GPR162: variants seen among roughly 807,000 people sequenced by gnomAD.
The protein encoded by GPR162 is probable G protein-coupled receptor 162.
In GPR162, 26 loss-of-function variants were observed where a neutral mutation model predicts 44.9. That is an observed-to-expected ratio of 0.58 (90% CI 0.42 to 0.80). GPR162 has a LOEUF of 0.80. GPR162 is among the 30% of genes least tolerant of loss of function. GPR162 has a pLI of 0.00. For synonymous variants in GPR162, 363 were observed against 335.2 expected (o/e 1.08, Z -0.91); for missense variants, 704 against 802.3 (o/e 0.88, Z 1.48).
At chr12:6,826,066 T>C in intron 3 of GPR162, 130 bp from the exon 4 acceptor site, 2 of 699,928 alleles carry the variant, frequency 2.9e-6, no homozygotes, top group Non-Finnish European at 4.9e-6. Context: ...TGCTAGCCAC[T>C]CTCACTGTCC....
rs1943303299 is a variant in GPR162, at chr12:6,822,917, A to G, written c.-431-551A>G. Among the ~76,000 whole-genome samples the G allele has an allele frequency of 6.6e-6, 1 of 152,130 alleles. No homozygotes were observed. The highest frequency in any genetic ancestry group is 2.4e-5 in the African/African-American group (1 of 41,408). On this transcript the variant is annotated intron_variant, in intron 1 of 4. Coordinates refer to ENST00000311268, the MANE Select transcript of GPR162 (RefSeq NM_019858.2). This position sits in a 1 kb window ranked among gnomAD's most constrained non-coding sequence, Gnocchi z 4.2. ...CGGTTTCCCCGCCTTCAGGTTCCCTAGCACCCCCTTCGGTCCCAGACTCCT... is the reference window on the plus strand; with the variant it reads ...CGGTTTCCCCGCCTTCAGGTTCCCTGGCACCCCCTTCGGTCCCAGACTCCT...
chr12:6,824,099 C>G lies in GPR162; in HGVS notation c.201C>G (p.Leu67=), dbSNP rs1387400082. The stretch of plus-strand genomic sequence containing the variant: ...ACATACTCATGGCAGCTGTGCCCCT[C>G]ACCACCTTTGCCGTGGTGCAGCTGC... ...GTHILMAAVP[L]TTFAVVQLRR... Residue 67 remains leucine (L), a synonymous_variant, in exon 2 of 5, where the codon CTC becomes CTG. Coordinates refer to ENST00000311268, the MANE Select transcript of GPR162 (RefSeq NM_019858.2). The G allele has an allele frequency of 6.2e-7, 1 of 1,613,850 alleles. No individual in the cohort carries two copies. Among genetic ancestry groups the G allele is most frequent in the African/African-American group, 1.3e-5 (1 of 74,932 alleles).
chr12:6,825,802 C>T (rs1943346583), intron 3 of GPR162, 129 bp downstream of exon 3: 1 of 765,124 alleles, frequency 1.3e-6, no homozygotes, highest in Non-Finnish European at 2.1e-6. Context: ...CCACCCTGGG[C>T]TCCCCTTTCC....
chr12:6,823,939 G>T lies in GPR162; in HGVS notation c.41G>T (p.Arg14Leu). 1 of 1,573,826 alleles carries T rather than the reference G, an allele frequency of 6.4e-7. No homozygotes were observed. The highest frequency in any genetic ancestry group is 8.6e-7 in the Non-Finnish European group (1 of 1,159,880). The change falls in exon 2 of 5, where the codon CGC (arginine) becomes CTC (leucine). Residue 14 changes from arginine (R) to leucine (L), a missense_variant. By Grantham distance (102) the Arg-to-Leu change is moderately radical (BLOSUM62 -2). Transcript: ENST00000311268. ...GGAGAEEASL[R>L]SNALSWLACG... ...GCGGGGGCAGAGGAGGCCTCCCTGCGCTCCAACGCATTGTCCTGGCTGGCC... is the reference window on the plus strand; with the variant it reads ...GCGGGGGCAGAGGAGGCCTCCCTGCTCTCCAACGCATTGTCCTGGCTGGCC...
At position 6,823,957 on chromosome 12, in the gene GPR162, G is replaced by T; in HGVS notation, c.59G>T (p.Trp20Leu). 1 of 1,595,416 alleles carries T rather than the reference G, an allele frequency of 6.3e-7. No individual in the cohort carries two copies. The highest frequency in any genetic ancestry group is 8.5e-7 in the Non-Finnish European group (1 of 1,173,772). ...TCCCTGCGCTCCAACGCATTGTCCT[G>T]GCTGGCCTGTGGGCTCCTGGCGCTG... Reference protein sequence around the residue: ...EASLRSNALSWLACGLLALLA... With the variant: ...EASLRSNALSLLACGLLALLA... The change falls in exon 2 of 5, where the codon TGG becomes TTG. Residue 20 changes from tryptophan to leucine, a missense_variant. By Grantham distance (61) the Trp-to-Leu change is moderately conservative. Transcript: ENST00000311268.
At position 6,826,822 on chromosome 12, in the gene GPR162, TGGAGGACGA is replaced by T. The variant is rs58069762; in HGVS notation, c.1398_1406del (p.Asp467_Glu469del). The T allele has an allele frequency of 1.5e-3, 2,413 of 1,610,308 alleles. 1 individual carries two copies. The highest frequency in any genetic ancestry group is 3.7e-3 in the African/African-American group (277 of 74,946). On this transcript the variant is annotated inframe_deletion, in exon 5 of 5. Transcript: ENST00000311268. ...GAGTACCTGGGACAAAGACACAGGT[TGGAGGACGA>T]GGAGGACGAGGAAGAGGCTGAAGGT...
chr12:6,824,577 G>A lies in GPR162; in HGVS notation c.679G>A (p.Ala227Thr), dbSNP rs782086655. 3 of 1,606,122 alleles carry A rather than the reference G, an allele frequency of 1.9e-6. No homozygotes were observed. Among genetic ancestry groups the A allele is most frequent in the Non-Finnish European group, 2.6e-6 (3 of 1,175,592 alleles). ...AGTGGGGGGTGGTGGGGGGACCAAA[G>A]CGGGTGGGCCAGGGGCCTTGGGTAC... ...RRVGGGGGTK[A>T]GGPGALGTRP... The change falls in exon 2 of 5, where the codon GCG (alanine) becomes ACG (threonine). Residue 227 changes from alanine (A) to threonine (T), a missense_variant. Physicochemically the swap from Ala to Thr is moderately conservative, Grantham distance 58 (BLOSUM62 0). Transcript: ENST00000311268.
rs1555119563 is a variant in GPR162, at chr12:6,823,920, G to A, written c.22G>A (p.Ala8Thr). The stretch of plus-strand genomic sequence containing the variant: ...TAGGATGGCTCGGGGCGGGGCGGGG[G>A]CAGAGGAGGCCTCCCTGCGCTCCAA... Reference protein sequence around the residue: MARGGAGAEEASLRSNAL... With the variant: MARGGAGTEEASLRSNAL... Residue 8 changes from alanine to threonine, a missense_variant, in exon 2 of 5, where the codon GCA becomes ACA. Physicochemically the swap from Ala to Thr is moderately conservative, Grantham distance 58. This residue lies in a region of GPR162 where 30 missense variants were observed against 31.8 expected (regional missense o/e 0.94). Coordinates refer to ENST00000311268, the MANE Select transcript of GPR162 (RefSeq NM_019858.2). 3.2e-6 allele frequency: 5 copies of A among 1,560,650 alleles called. No individual in the cohort carries two copies. The highest frequency in any genetic ancestry group is 1.7e-4 in the Middle Eastern group (1 of 5,894).
At chr12:6,824,911 C>G (rs1565507741) in intron 2 of GPR162, 146 bp downstream of exon 2, 2 of 741,478 alleles carry the variant, frequency 2.7e-6, no homozygotes, top group Admixed American at 4.0e-5. Flanking sequence ...GTCCATCCCC[C>G]ACTCCATTTG....
intron 4 of GPR162, 54 bp downstream of exon 4, chr12:6,826,407 C>G: frequency 1.3e-6 from 2 of 1,521,176 alleles, no homozygotes; most frequent in Non-Finnish European, 1.8e-6. Flanking sequence ...TCACTTTTCT[C>G]CAGTGTCTGT....
In GPR162 at chr12:6,824,578, C is replaced by T. The variant is rs377672427; in HGVS notation, c.680C>T (p.Ala227Val). Residue 227 changes from alanine (A) to valine (V), a missense_variant, in exon 2 of 5, where the codon GCG becomes GTG. Ala to Val is a moderately conservative substitution (Grantham distance 64). This residue lies in a region of GPR162 where 56 missense variants were observed against 47.2 expected (regional missense o/e 1.19). Coordinates refer to ENST00000311268, the MANE Select transcript of GPR162 (RefSeq NM_019858.2). ...GTGGGGGGTGGTGGGGGGACCAAAGCGGGTGGGCCAGGGGCCTTGGGTACC... is the reference window on the plus strand; with the variant it reads ...GTGGGGGGTGGTGGGGGGACCAAAGTGGGTGGGCCAGGGGCCTTGGGTACC... ...RRVGGGGGTK[A>V]GGPGALGTRP... The T allele has an allele frequency of 5.7e-5, 91 of 1,603,648 alleles. No individual in the cohort carries two copies. Among genetic ancestry groups the T allele is most frequent in the Non-Finnish European group, 7.3e-5 (86 of 1,174,534 alleles).
chr12:6,825,843 C>T (rs1943347186), intron 3 of GPR162, among the ~76,000 whole-genome samples, 170 bp downstream of exon 3: 1 of 152,202 alleles, frequency 6.6e-6, no homozygotes, highest in Non-Finnish European at 1.5e-5. Context: ...CCACTCACTG[C>T]TTCCCGCAGC....
rs782079078 is a variant in GPR162, at chr12:6,826,233, C to T, written c.1095C>T (p.Cys365=). ...ACGACTATGCAGAGGGCCGAGTTTG[C>T]AAAGTTCGCTTTGATGCTAACGGAG... ...GCDDYAEGRV[C]KVRFDANGAT... is the part of the protein sequence containing the mutation. Residue 365 remains cysteine, a synonymous_variant, in exon 4 of 5, where the codon TGC becomes TGT. Transcript: ENST00000311268. The T allele has an allele frequency of 1.9e-6, 3 of 1,613,928 alleles. No homozygotes were observed. In the African/African-American group the frequency reaches 4.0e-5, roughly 22 times the overall value.
At position 6,824,654 on chromosome 12, in the gene GPR162, G is replaced by T. The variant is rs782190561; in HGVS notation, c.756G>T (p.Lys252Asn). 9.9e-6 allele frequency: 16 copies of T among 1,614,018 alleles called. No homozygotes were observed. The highest frequency in any genetic ancestry group is 1.4e-5 in the Non-Finnish European group (16 of 1,179,920). The change falls in exon 2 of 5, where the codon AAG (lysine) becomes AAT (asparagine). Residue 252 changes from lysine to asparagine, a missense_variant. Lys to Asn is a moderately conservative substitution (Grantham distance 94). Around this residue, in one of 6 missense-constraint regions of GPR162, gnomAD observed 92 missense variants for 156.5 expected, o/e 0.59. Transcript: ENST00000311268. The part of the protein sequence containing the change: ...PAIVVEDARG[K>N]RRSSLDGSES... ...TTGTGGTGGAGGATGCCCGAGGGAA[G>T]CGGCGGTCCTCGCTGGATGGCTCGG...
Position 6,826,368 on chromosome 12 carries a change from G to A in GPR162, c.1215+15G>A, listed in dbSNP as rs367739001. The A allele has an allele frequency of 1.1e-3, 1,776 of 1,599,796 alleles. 2 individuals carry two copies. Among genetic ancestry groups the A allele is most frequent in the Non-Finnish European group, 1.4e-3 (1,688 of 1,171,762 alleles). On this transcript the variant is annotated intron_variant, in intron 4 of 4. Coordinates refer to ENST00000311268, the MANE Select transcript of GPR162 (RefSeq NM_019858.2). ...ACTACTTACAGGTATGGAACTGGGGGATACATCTCCTACCCTTGGTGCCGC... is the reference window on the plus strand; with the variant it reads ...ACTACTTACAGGTATGGAACTGGGGAATACATCTCCTACCCTTGGTGCCGC...
intron 3 of GPR162, 69 bp downstream of exon 3, chr12:6,825,742 A>C (rs1943345869): frequency 7.2e-7 from 1 of 1,382,570 alleles, no homozygotes; most frequent in Non-Finnish European, 1.0e-6. Flanking sequence ...GCTCCTTCTC[A>C]GCCAGAGGAT....
At position 6,825,636 on chromosome 12, in the gene GPR162, A is replaced by G. The variant is rs1943344313; in HGVS notation, c.1020A>G (p.Gln340=). 3 of 1,583,010 alleles carry G rather than the reference A, an allele frequency of 1.9e-6. No homozygotes were observed. The highest frequency in any genetic ancestry group is 2.6e-6 in the Non-Finnish European group (3 of 1,164,404). ...YRADVRTVWE[Q]CVAIMSEEDG... is the part of the protein sequence containing the mutation. ...CCGACGTGCGCACAGTGTGGGAGCA[A>G]TGCGTGGCCATCATGTCTGAGGAGG... Residue 340 remains glutamine (Q), a synonymous_variant, in exon 3 of 5, where the codon CAA becomes CAG. Transcript: ENST00000311268.
chr12:6,825,893 A>G (rs1943347568), intron 3 of GPR162, among the ~76,000 whole-genome samples: 1 of 152,076 alleles, frequency 6.6e-6, no homozygotes, highest in African/African-American at 2.4e-5. Context: ...TCCCCTCCAG[A>G]AACCCACACT....
Position 6,827,210 on chromosome 12 carries a change from A to G in GPR162, c.*6A>G, listed in dbSNP as rs1020057874. 6.3e-7 allele frequency: 1 copy of G among 1,594,450 alleles called. No individual in the cohort carries two copies. On this transcript the variant is annotated 3_prime_UTR_variant, in exon 5 of 5. Transcript: ENST00000311268. ...TTCCCCAGCTGACCCTGTGAGCCCA[A>G]GCAGGCCTGCTGAACTCAGAGGAGA...
Sources: gnomAD v4.1 joint callset for allele counts (sites outside exome capture counted in the v4.1 genomes callset) on GRCh38, gnomAD v4.1.1 for gene constraint, gnomAD v4.1.1 regional missense constraint, Gnocchi (gnomAD v3.1) non-coding constraint, MANE v1.5 for transcripts, NCBI Gene and HGNC (gene_info 2026-07-23, HGNC 2026-07-21) for gene names.